Variants in RBFOX1 observed in about 807,000 individuals in gnomAD.
RBFOX1 encodes RNA binding protein fox-1 homolog 1.
A neutral mutation model predicts 57.7 loss-of-function variants in RBFOX1; 8 were observed. The ratio of observed to expected loss-of-function variants is 0.14; its 90% CI spans 0.08 to 0.25. RBFOX1 has a LOEUF of 0.25. Ranked by LOEUF, RBFOX1 falls within the 10% of genes least tolerant of loss-of-function variation. The probability of loss-of-function intolerance (pLI) is 1.00; values close to 1 mark genes in which losing one functional copy is unlikely to be tolerated. For missense variants in RBFOX1, 611 were observed against 548.5 expected (o/e 1.11, Z -1.14); for synonymous variants, 326 against 222.4 (o/e 1.47, Z -4.15).
intron 3 of RBFOX1, among the ~76,000 whole-genome samples, chr16:5,634,065 T>A (rs1256717997): frequency 6.6e-6 from 1 of 152,316 alleles, no homozygotes; most frequent in African/African-American, 2.4e-5. Flanking sequence ...TAAGCGTCAT[T>A]AGTTGCAGTT....
At chr16:7,357,599 C>T (rs908950308) in intron 4 of RBFOX1, among the ~76,000 whole-genome samples, 3 of 152,170 alleles carry the variant, frequency 2.0e-5, no homozygotes, top group Non-Finnish European at 2.9e-5. Context: ...ATGTGCATTT[C>T]ACCCATCTTC....
chr16:7,329,172 G>A (rs984696406), intron 4 of RBFOX1, among the ~76,000 whole-genome samples: 1 of 152,168 alleles, frequency 6.6e-6, no homozygotes, highest in Non-Finnish European at 1.5e-5. Context: ...AGTGTTTACA[G>A]AAAAACATTT....
intron 4 of RBFOX1, among the ~76,000 whole-genome samples, chr16:7,252,429 G>C (rs2094529290): frequency 6.6e-6 from 1 of 152,176 alleles, no homozygotes; most frequent in African/African-American, 2.4e-5. Flanking sequence ...TAGGCCTTTT[G>C]TACTTTGCTG....
chr16:5,819,234 A>C (rs2055758027), intron 3 of RBFOX1, among the ~76,000 whole-genome samples: 1 of 152,152 alleles, frequency 6.6e-6, no homozygotes, highest in African/African-American at 2.4e-5. Context: ...CCGTCTTTTC[A>C]ATGTGACATC....
chr16:6,585,232 T>C (rs1172247039), intron 2 of RBFOX1, among the ~76,000 whole-genome samples: 1 of 152,230 alleles, frequency 6.6e-6, no homozygotes, highest in Non-Finnish European at 1.5e-5. Flanking sequence ...AACTATCATC[T>C]TTCCTATCTT....
chr16:5,571,149 A>G (rs2046268808), intron 2 of RBFOX1, among the ~76,000 whole-genome samples: 1 of 150,680 alleles, frequency 6.6e-6, no homozygotes, highest in African/African-American at 2.4e-5. Flanking sequence ...AGTCAGAGTC[A>G]TGAGACAGAA....
intron 1 of RBFOX1, among the ~76,000 whole-genome samples, chr16:6,029,189 T>G (rs901011750): frequency 1.3e-5 from 2 of 152,220 alleles, no homozygotes; most frequent in Non-Finnish European, 2.9e-5. Context: ...TGTGGAAAGA[T>G]ATTTTGTTTC....
At chr16:7,424,582 A>T (rs1226709964) in intron 4 of RBFOX1, among the ~76,000 whole-genome samples, 5 of 152,166 alleles carry the variant, frequency 3.3e-5, no homozygotes, top group African/African-American at 1.2e-4. Context: ...ATGTTTTATT[A>T]AATATGAGAT....
intron 4 of RBFOX1, 133 bp downstream of exon 4, chr16:7,052,231 T>G: frequency 7.4e-7 from 1 of 1,348,630 alleles, no homozygotes; most frequent in Non-Finnish European, 9.8e-7. Flanking sequence ...TGAAAATATT[T>G]ATCCCAGCTT....
At chr16:7,009,405 G>T (rs188232714) in intron 3 of RBFOX1, among the ~76,000 whole-genome samples, 1 of 151,804 alleles carries the variant, frequency 6.6e-6, no homozygotes. Context: ...TCTCGCCACT[G>T]TGACAAATCC....
At chr16:6,887,178 C>T (rs1369465898) in intron 3 of RBFOX1, among the ~76,000 whole-genome samples, 2 of 152,164 alleles carry the variant, frequency 1.3e-5, no homozygotes, top group Non-Finnish European at 2.9e-5. Context: ...TTGGTATACT[C>T]TTTAGCACTT....
At position 5,334,898 on chromosome 16, in the gene RBFOX1, T is replaced by A. The variant is rs142308108; in HGVS notation, c.219+94793T>A. ...GTTTCCTGTTTTAGTTTTGCTGTTA[T>A]CAGTGAGGCTGTAATGAGTAGCATG... On this transcript the variant is annotated intron_variant, in intron 1 of 2. Coordinates refer to the RBFOX1 transcript ENST00000585867. Among the ~76,000 whole-genome samples the A allele has an allele frequency of 1.5e-3, 226 of 152,136 alleles. 1 individual carries two copies. Among genetic ancestry groups the A allele is most frequent in the African/African-American group, 5.2e-3 (215 of 41,536 alleles).
intron 4 of RBFOX1, among the ~76,000 whole-genome samples, chr16:7,273,820 G>T (rs933531734): frequency 7.2e-5 from 11 of 152,144 alleles, no homozygotes; most frequent in Admixed American, 5.9e-4. Flanking sequence ...TCCAGGGCTG[G>T]ATTGGTTTGC....
intron 2 of RBFOX1, among the ~76,000 whole-genome samples, chr16:6,628,344 C>G (rs866210719): frequency 1.3e-5 from 2 of 152,088 alleles, no homozygotes; most frequent in East Asian, 3.9e-4. Flanking sequence ...AGAGTATGTC[C>G]CAACAGCAGG....
At chr16:7,270,058 C>A (rs994280386) in intron 4 of RBFOX1, among the ~76,000 whole-genome samples, 2 of 152,156 alleles carry the variant, frequency 1.3e-5, no homozygotes, top group South Asian at 2.1e-4. Flanking sequence ...ATGTGAAATA[C>A]TGTGGAAAGT....
intron 3 of RBFOX1, among the ~76,000 whole-genome samples, chr16:5,771,444 C>T (rs773755924): frequency 3.3e-5 from 5 of 152,156 alleles, no homozygotes; most frequent in East Asian, 1.9e-4. Flanking sequence ...AGTCTCCCTC[C>T]GTAGTCCAGG....
At chr16:5,354,144 T>C (rs2065330121) in intron 1 of RBFOX1, among the ~76,000 whole-genome samples, 2 of 152,200 alleles carry the variant, frequency 1.3e-5, no homozygotes, top group East Asian at 3.9e-4. Context: ...TGGAACATTT[T>C]CCCTGTCTCC....
chr16:7,058,781 A>C (rs2053308192), intron 4 of RBFOX1, among the ~76,000 whole-genome samples: 1 of 152,168 alleles, frequency 6.6e-6, no homozygotes, highest in Non-Finnish European at 1.5e-5. Flanking sequence ...GTGGCAATAC[A>C]AAGTTTCCTT....
At chr16:6,940,638 C>T (rs1490057115) in intron 3 of RBFOX1, among the ~76,000 whole-genome samples, 1 of 152,090 alleles carries the variant, frequency 6.6e-6, no homozygotes, top group African/African-American at 2.4e-5. Context: ...TACTCTGTCA[C>T]CCAGGCTGGA....
Sources: allele counts gnomAD v4.1 joint callset (sites outside exome capture counted in the v4.1 genomes callset), GRCh38; gene constraint gnomAD v4.1.1; transcripts MANE v1.5; gene names NCBI Gene and HGNC (gene_info 2026-07-23, HGNC 2026-07-21).